The following LEPR variants were observed in gnomAD, a reference collection of about 807,000 sequenced individuals.
LEPR encodes the protein leptin receptor.
A neutral mutation model predicts 114.7 loss-of-function variants in LEPR; 56 were observed. The observed-to-expected ratio is 0.49, with a 90% CI of 0.39 to 0.61. The LOEUF (loss-of-function observed/expected upper bound fraction) is 0.61, where lower values mean the gene tolerates loss of function less well. Among genes scored for constraint, LEPR ranks in the 20% least tolerant of loss-of-function variants. The pLI is 0.00. For synonymous variants in LEPR, 443 were observed against 461.4 expected, an observed-to-expected ratio of 0.96 and a Z score of 0.51; for missense variants, 1,202 against 1,352.9, an observed-to-expected ratio of 0.89 and a Z score of 1.75.
intron 18 of LEPR, among the ~76,000 whole-genome samples, chr1:65,621,863 G>A (rs927408209): frequency 2.6e-5 from 4 of 152,046 alleles, no homozygotes; most frequent in Admixed American, 6.5e-5. Context: ...GGGTTGGAAT[G>A]TCTCTGGGAG....
intron 19 of LEPR, among the ~76,000 whole-genome samples, chr1:65,627,167 CTA>C (rs965990460): frequency 1.3e-5 from 2 of 152,292 alleles, no homozygotes; most frequent in Admixed American, 1.3e-4. Flanking sequence ...AAATCCAGAT[CTA>C]TCTGACTCAA....
chr1:65,616,145 T>C lies in LEPR; in HGVS notation c.2133T>C (p.Thr711=), dbSNP rs184183751. The part of the protein sequence containing the change: ...FTFLWTEQAH[T]VTVLAINSIG... The stretch of plus-strand genomic sequence containing the variant: ...TCCTGTGGACAGAGCAAGCACATAC[T>C]GTTACGGTTCTGGCCATCAATTCAA... The change falls in exon 15 of 20, where the codon ACT becomes ACC. Residue 711 remains threonine (T), a synonymous_variant. Transcript: ENST00000349533. 5.6e-6 allele frequency: 9 copies of C among 1,614,214 alleles called. No individual in the cohort carries two copies. In the African/African-American group the frequency reaches 1.1e-4, roughly 19 times the overall value.
chr1:65,633,217 A>T lies in LEPR; in HGVS notation c.2674-2974A>T. On this transcript the variant is annotated intron_variant, in intron 19 of 19. Transcript: ENST00000349533. This position sits in a 1 kb window ranked among gnomAD's most constrained non-coding sequence, Gnocchi z 4.1. ...ATGAACCCAATGTGCCAACTTCCCA[A>T]CAGTCTATAGAGTATTAGAAGATTT... 1 of 1,608,930 alleles carries T rather than the reference A, an allele frequency of 6.2e-7. No individual in the cohort carries two copies. Among genetic ancestry groups the T allele is most frequent in the Non-Finnish European group, 8.5e-7 (1 of 1,177,636 alleles).
chr1:65,583,148 G>A (rs564869498), intron 5 of LEPR, among the ~76,000 whole-genome samples: 16 of 152,294 alleles, frequency 1.1e-4, no homozygotes, highest in African/African-American at 3.6e-4. Flanking sequence ...TTTCTGAACT[G>A]TAGAAAATTC....
chr1:65,577,870 T>A (rs1654702075), intron 5 of LEPR: 1 of 150,992 alleles, frequency 6.6e-6, no homozygotes, highest in Admixed American at 6.6e-5. Context: ...GCAGGTTTGT[T>A]ACATAGGTAT....
chr1:65,442,253 A>G (rs1646658954), intron 2 of LEPR, among the ~76,000 whole-genome samples: 1 of 152,094 alleles, frequency 6.6e-6, no homozygotes, highest in African/African-American at 2.4e-5. Context: ...TGGTTTCACA[A>G]CTCCTTATCT....
chr1:65,500,574 T>C (rs777987568), intron 2 of LEPR, among the ~76,000 whole-genome samples: 43 of 152,212 alleles, frequency 2.8e-4, no homozygotes, highest in Non-Finnish European at 5.3e-4. Context: ...TTCCACTTAA[T>C]GAATAGTAAA....
chr1:65,495,806 G>A (rs1304175761), intron 2 of LEPR, among the ~76,000 whole-genome samples: 4 of 152,140 alleles, frequency 2.6e-5, no homozygotes, highest in South Asian at 2.1e-4. Flanking sequence ...AGCACAGAAC[G>A]ACACACACCA....
In LEPR at chr1:65,631,697, T is replaced by C. The variant is rs563012390; in HGVS notation, c.2674-4494T>C. Reference sequence around the variant, plus strand: ...AAAAATCAGAATCTTAAACATATATTGAATTTTTGTTGTAAGAAAATGTGT... The same window carrying C: ...AAAAATCAGAATCTTAAACATATATCGAATTTTTGTTGTAAGAAAATGTGT... On this transcript the variant is annotated intron_variant, in intron 19 of 19. Transcript: ENST00000349533. Among the ~76,000 whole-genome samples the C allele has an allele frequency of 5.3e-4, 81 of 152,318 alleles. 2 individuals are homozygous for C. The South Asian group carries it at 8.7e-3, about 16-fold the overall frequency.
chr1:65,557,906 C>T (rs1189000488), intron 2 of LEPR, among the ~76,000 whole-genome samples: 4 of 152,098 alleles, frequency 2.6e-5, no homozygotes, highest in South Asian at 2.1e-4. Flanking sequence ...CCTGATTCCA[C>T]GAATCCAAAC....
chr1:65,583,644 T>A (rs143245739), intron 5 of LEPR, among the ~76,000 whole-genome samples: 1 of 152,158 alleles, frequency 6.6e-6, no homozygotes, highest in East Asian at 1.9e-4. Context: ...TCCAACACTC[T>A]TCAAGGCAAA....
chr1:65,478,240 A>T (rs116532789), intron 2 of LEPR, among the ~76,000 whole-genome samples: 2,247 of 152,286 alleles, frequency 0.015, 56 homozygotes, highest in African/African-American at 0.05. Context: ...CATCTCTGCC[A>T]ATTATTGGCT....
At position 65,616,036 on chromosome 1, in the gene LEPR, G is replaced by C. The variant is rs373154589; in HGVS notation, c.2024G>C (p.Ser675Thr). Residue 675 changes from serine to threonine, a missense_variant, in exon 15 of 20, where the codon AGT (serine) becomes ACT (threonine). Ser to Thr is a moderately conservative substitution (Grantham distance 58). Transcript: ENST00000349533. ...KPLMKNDSLC[S>T]VQRYVINHHT... ...CTGATGAAAAATGACTCATTGTGCA[G>C]TGTTCAGAGATATGTGATAAACCAT... 20 of 1,614,024 alleles carry C rather than the reference G, an allele frequency of 1.2e-5. No individual in the cohort carries two copies. Among genetic ancestry groups the C allele is most frequent in the Middle Eastern group, 1.6e-4 (1 of 6,084 alleles).
At chr1:65,477,057 C>G (rs941031557) in intron 2 of LEPR, among the ~76,000 whole-genome samples, 2 of 152,124 alleles carry the variant, frequency 1.3e-5, no homozygotes, top group African/African-American at 4.8e-5. Flanking sequence ...ACAAATTGCA[C>G]TTTATGTGTT....
intron 2 of LEPR, among the ~76,000 whole-genome samples, chr1:65,455,198 A>G (rs186093373): frequency 6.6e-6 from 1 of 152,016 alleles, no homozygotes; most frequent in African/African-American, 2.4e-5. Flanking sequence ...ACTTTTTTCA[A>G]AGTTTTCAAC....
intron 2 of LEPR, among the ~76,000 whole-genome samples, chr1:65,455,565 C>T (rs1646858253): frequency 6.6e-6 from 1 of 152,214 alleles, no homozygotes; most frequent in Admixed American, 6.5e-5. Flanking sequence ...TCTGCCCCTG[C>T]TGGGGGGTGC....
intron 2 of LEPR, among the ~76,000 whole-genome samples, chr1:65,493,049 C>T (rs1413416442): frequency 6.6e-6 from 1 of 151,964 alleles, no homozygotes; most frequent in African/African-American, 2.4e-5. Context: ...TCCTTCCATC[C>T]TGGAAAATCC....
intron 17 of LEPR, among the ~76,000 whole-genome samples, chr1:65,620,485 G>T (rs1239736996): frequency 6.6e-6 from 1 of 152,158 alleles, no homozygotes; most frequent in Non-Finnish European, 1.5e-5. Flanking sequence ...TTAAATACCA[G>T]TGCTCTAATT....
intron 2 of LEPR, among the ~76,000 whole-genome samples, chr1:65,508,560 C>T (rs1648873850): frequency 6.6e-6 from 1 of 152,040 alleles, no homozygotes; most frequent in Non-Finnish European, 1.5e-5. Context: ...TGTTTTTATG[C>T]CAGTACCATG....
Sources: gnomAD v4.1 joint callset for allele counts (sites outside exome capture counted in the v4.1 genomes callset) on GRCh38, gnomAD v4.1.1 for gene constraint, Gnocchi (gnomAD v3.1) non-coding constraint, MANE v1.5 for transcripts, NCBI Gene and HGNC (gene_info 2026-07-23, HGNC 2026-07-21) for gene names.